Variants in TRHDE observed in about 807,000 individuals in gnomAD.
The protein encoded by TRHDE is thyrotropin-releasing hormone-degrading ectoenzyme.
TRHDE carries 72 observed loss-of-function variants against 125.7 expected under a neutral mutation model. The observed-to-expected ratio is 0.57, with a 90% CI of 0.47 to 0.70. The LOEUF is 0.70. TRHDE is among the 30% of genes least tolerant of loss of function. The pLI, the probability that TRHDE is intolerant of heterozygous loss-of-function variation, is 0.00. For synonymous variants in TRHDE, 509 were observed against 509.1 expected, an observed-to-expected ratio of 1.00 and a Z score of 0.00; for missense variants, 1,110 against 1,327.1, an observed-to-expected ratio of 0.84 and a Z score of 2.54.
chr12:72,452,547 G>T (rs137929579), intron 3 of TRHDE, among the ~76,000 whole-genome samples: 2 of 152,180 alleles, frequency 1.3e-5, no homozygotes, highest in Admixed American at 6.5e-5. Context: ...TTAAATTATT[G>T]CTGTTGAGTA....
chr12:72,138,810 C>T (rs116580040), intron 2 of TRHDE, among the ~76,000 whole-genome samples: 5,387 of 152,310 alleles, frequency 0.035, 169 homozygotes, highest in African/African-American at 0.086. Context: ...CCTGACATTG[C>T]TGTGAACTAT....
At chr12:72,191,071 G>A (rs1221118606) in intron 2 of TRHDE, among the ~76,000 whole-genome samples, 2 of 152,096 alleles carry the variant, frequency 1.3e-5, no homozygotes, top group African/African-American at 2.4e-5. Context: ...ACAACATTGA[G>A]CCAGAATAAA....
chr12:72,495,060 GTT>G (rs751243542), intron 5 of TRHDE, among the ~76,000 whole-genome samples: 29 of 58,390 alleles, frequency 5.0e-4, no homozygotes, highest in Admixed American at 1.6e-3. Flanking sequence ...TTCCTCCCCC[GTT>G]TTTTTTTTTT....
At chr12:72,525,144 C>T (rs761414624) in intron 6 of TRHDE, among the ~76,000 whole-genome samples, 3 of 152,112 alleles carry the variant, frequency 2.0e-5, no homozygotes, top group Non-Finnish European at 4.4e-5. Context: ...TAGATGTTTA[C>T]ACAAATTACC....
intron 1 of TRHDE, among the ~76,000 whole-genome samples, chr12:72,280,884 C>T (rs1044165650): frequency 1.2e-4 from 19 of 152,080 alleles, no homozygotes; most frequent in African/African-American, 3.9e-4. Context: ...ATAATACTTC[C>T]GTAATATTTT....
intron 2 of TRHDE, among the ~76,000 whole-genome samples, chr12:72,130,183 C>A (rs969126033): frequency 2.0e-5 from 3 of 151,924 alleles, no homozygotes; most frequent in African/African-American, 7.3e-5. Flanking sequence ...GCCTGTAATC[C>A]CAGCTACTCG....
chr12:72,350,585 C>G (rs1456188300), intron 2 of TRHDE, among the ~76,000 whole-genome samples: 1 of 151,632 alleles, frequency 6.6e-6, no homozygotes, highest in Non-Finnish European at 1.5e-5. Context: ...ATGTATAGGC[C>G]CCTAATTCCA....
intron 6 of TRHDE, among the ~76,000 whole-genome samples, chr12:72,523,729 T>C (rs1868286000): frequency 6.6e-6 from 1 of 152,216 alleles, no homozygotes; most frequent in Non-Finnish European, 1.5e-5. Flanking sequence ...ATGGGCTTGC[T>C]GAATACACTC....
intron 10 of TRHDE, among the ~76,000 whole-genome samples, chr12:72,571,636 TGTA>T (rs1182535150): frequency 2.6e-5 from 4 of 152,164 alleles, no homozygotes; most frequent in African/African-American, 7.2e-5. Flanking sequence ...CATTTGTAAA[TGTA>T]GTAGCTTGCA....
At chr12:72,455,619 T>C (rs1268377007) in intron 3 of TRHDE, among the ~76,000 whole-genome samples, 1 of 152,116 alleles carries the variant, frequency 6.6e-6, no homozygotes, top group Non-Finnish European at 1.5e-5. Context: ...ACATTAAATA[T>C]GAAAACTTAC....
At chr12:72,589,049 G>A (rs187061188) in intron 12 of TRHDE, among the ~76,000 whole-genome samples, 7 of 152,238 alleles carry the variant, frequency 4.6e-5, no homozygotes, top group African/African-American at 9.6e-5. Context: ...TCTCCCACAC[G>A]TGGGGATCAT....
intron 2 of TRHDE, among the ~76,000 whole-genome samples, chr12:72,306,224 C>T (rs561152948): frequency 2.0e-5 from 3 of 152,256 alleles, no homozygotes; most frequent in Non-Finnish European, 2.9e-5. Flanking sequence ...CTCTTACAAA[C>T]GTTTTCTATA....
intron 12 of TRHDE, among the ~76,000 whole-genome samples, chr12:72,615,218 T>G (rs889954744): frequency 1.3e-5 from 2 of 152,178 alleles, no homozygotes; most frequent in African/African-American, 4.8e-5. Context: ...CCTAAAATAT[T>G]GATAGGACAC....
intron 6 of TRHDE, among the ~76,000 whole-genome samples, chr12:72,527,054 A>T (rs1017881308): frequency 4.6e-5 from 7 of 152,118 alleles, no homozygotes; most frequent in African/African-American, 7.2e-5. Flanking sequence ...GTCTCAAATA[A>T]TGCTGCTCTT....
chr12:72,591,483 A>G (rs1871678784), intron 12 of TRHDE, among the ~76,000 whole-genome samples: 1 of 152,116 alleles, frequency 6.6e-6, no homozygotes, highest in Non-Finnish European at 1.5e-5. Context: ...ATGCATATAT[A>G]TACTTTAAAA....
chr12:72,185,838 G>T (rs2139344851), intron 2 of TRHDE, among the ~76,000 whole-genome samples: 1 of 151,846 alleles, frequency 6.6e-6, no homozygotes, highest in South Asian at 2.1e-4. Context: ...TCAGCACCCT[G>T]TGTTTAGCTC....
intron 3 of TRHDE, among the ~76,000 whole-genome samples, chr12:72,443,471 A>G (rs1875122917): frequency 6.6e-6 from 1 of 151,728 alleles, no homozygotes; most frequent in Admixed American, 6.6e-5. Flanking sequence ...AAGGACTTAG[A>G]TTGAGTATTA....
chr12:72,356,529 CTAAAA>C (rs779073530), intron 2 of TRHDE, among the ~76,000 whole-genome samples: 4 of 150,584 alleles, frequency 2.7e-5, no homozygotes, highest in African/African-American at 4.9e-5. Context: ...AGCCCTGAAC[CTAAAA>C]TAAAAGTTAA....
At chr12:72,461,905 A>T (rs1324261576) in intron 3 of TRHDE, among the ~76,000 whole-genome samples, 3 of 152,194 alleles carry the variant, frequency 2.0e-5, no homozygotes, top group African/African-American at 4.8e-5. Context: ...GATAACATTT[A>T]TCATGCTTAC....
Sources: allele counts gnomAD v4.1 joint callset (sites outside exome capture counted in the v4.1 genomes callset), GRCh38; gene constraint gnomAD v4.1.1; transcripts MANE v1.5; gene names NCBI Gene and HGNC (gene_info 2026-07-23, HGNC 2026-07-21).